Variants in BICDL1 observed in about 807,000 individuals in gnomAD.
The protein encoded by BICDL1 is BICD family-like cargo adapter 1.
BICDL1 carries 20 observed loss-of-function variants against 76.8 expected under a neutral mutation model. The observed-to-expected ratio is 0.26, with a 90% CI of 0.18 to 0.38. The LOEUF (loss-of-function observed/expected upper bound fraction) is 0.38. Ranked by LOEUF, BICDL1 falls within the 10% of genes least tolerant of loss-of-function variation. The pLI is 1.00. For synonymous variants in BICDL1, 383 were observed against 337.1 expected (o/e 1.14, Z -1.49); for missense variants, 700 against 798.6 (o/e 0.88, Z 1.49).
At position 120,079,234 on chromosome 12, in the gene BICDL1, G is replaced by A. The variant is rs1566264991; in HGVS notation, c.1453-1653G>A. Among the ~76,000 whole-genome samples the A allele has an allele frequency of 6.6e-6, 1 of 152,206 alleles. No homozygotes were observed. Among genetic ancestry groups the A allele is most frequent in the African/African-American group, 2.4e-5 (1 of 41,446 alleles). ...GATTGTCCTTCTGTCCCTCTTCACT[G>A]TTGGGTGTCCTCTGAATTCCTCCAG... On this transcript the variant is annotated intron_variant, in intron 7 of 9. Transcript: ENST00000548673. The surrounding 1 kb of genome is among the most constrained non-coding windows in gnomAD (Gnocchi z 4.3).
Position 120,089,998 on chromosome 12 carries a change from T to C in BICDL1, c.1631T>C (p.Met544Thr), listed in dbSNP as rs749722048. Residue 544 changes from methionine to threonine, a missense_variant, in exon 9 of 10, where the codon ATG (methionine) becomes ACG (threonine). By Grantham distance (81) the Met-to-Thr change is moderately conservative. Transcript: ENST00000548673. Reference sequence around the variant, plus strand: ...CTTGCCAAGTGCAGGATGGATATGATGTCTCTGAACAGCCAGTTGCTGGAT... The same window carrying C: ...CTTGCCAAGTGCAGGATGGATATGACGTCTCTGAACAGCCAGTTGCTGGAT... The part of the protein sequence containing the change: ...LELAKCRMDM[M>T]SLNSQLLDAI... 1.4e-5 allele frequency: 23 copies of C among 1,614,102 alleles called. No homozygotes were observed. In the South Asian group the frequency reaches 2.5e-4, roughly 18 times the overall value.
rs1875183955 is a variant in BICDL1 at position 120,093,731 on chromosome 12, G to GCAGGGTCTAAGAGC, written c.*572_*585dup. 1 of 170,390 alleles carries GCAGGGTCTAAGAGC rather than the reference G, an allele frequency of 5.9e-6. No homozygotes were observed. The highest frequency in any genetic ancestry group is 1.3e-4 in the South Asian group (1 of 7,798). 10.6% of individuals were successfully genotyped at this position (170,390 alleles called of 1,614,324 possible). On this transcript the variant is annotated 3_prime_UTR_variant, in exon 10 of 10. Coordinates refer to ENST00000548673, the MANE Select transcript of BICDL1 (RefSeq NM_001367886.1). ...CTGGCAGGAGGCCAAGCCTCTGGCCGCAGGGTCTAAGAGCCGGGGCTTACC... is the reference window on the plus strand; with the variant it reads ...CTGGCAGGAGGCCAAGCCTCTGGCCGCAGGGTCTAAGAGCCAGGGTCTAAGAGCCGGGGCTTACC...
At chr12:120,006,647 A>G (rs1951856008) in intron 2 of BICDL1, among the ~76,000 whole-genome samples, 1 of 152,192 alleles carries the variant, frequency 6.6e-6, no homozygotes, top group South Asian at 2.1e-4. Flanking sequence ...AAGGAGCAAA[A>G]GAGTATTCCT....
intron 1 of BICDL1, among the ~76,000 whole-genome samples, chr12:119,996,278 C>G (rs1594089394): frequency 1.3e-5 from 2 of 152,272 alleles, no homozygotes; most frequent in South Asian, 2.1e-4. Context: ...TTGGCACATT[C>G]TTTTGACTGC....
chr12:120,006,188 G>T (rs911726119), intron 2 of BICDL1, among the ~76,000 whole-genome samples: 1 of 152,180 alleles, frequency 6.6e-6, no homozygotes, highest in Non-Finnish European at 1.5e-5. Context: ...ATGGAATGGT[G>T]CCTGGAGAGG....
chr12:120,090,531 G>C (rs1874864217), intron 9 of BICDL1, among the ~76,000 whole-genome samples: 1 of 152,232 alleles, frequency 6.6e-6, no homozygotes, highest in African/African-American at 2.4e-5. Flanking sequence ...AGGCCCTGGG[G>C]AAGAGGAGTC....
At chr12:120,069,136 T>C (rs1439589757) in intron 4 of BICDL1, among the ~76,000 whole-genome samples, 1 of 152,122 alleles carries the variant, frequency 6.6e-6, no homozygotes, top group Non-Finnish European at 1.5e-5. Flanking sequence ...CTGAGATCAT[T>C]TAAAAATCAA....
At chr12:120,018,480 T>G (rs1952110881) in intron 2 of BICDL1, among the ~76,000 whole-genome samples, 1 of 152,166 alleles carries the variant, frequency 6.6e-6, no homozygotes, top group Non-Finnish European at 1.5e-5. Context: ...AGAAAGATTG[T>G]GTGGAATGAA....
At chr12:120,028,996 C>G (rs1324189224) in intron 2 of BICDL1, among the ~76,000 whole-genome samples, 1 of 152,186 alleles carries the variant, frequency 6.6e-6, no homozygotes, top group East Asian at 1.9e-4. Flanking sequence ...TGGAGGGCAA[C>G]TAACTTAGGA....
Position 119,990,231 on chromosome 12 carries a change from C to G in BICDL1, c.363C>G (p.Leu121=), listed in dbSNP as rs867210299. 3 of 1,575,636 alleles carry G rather than the reference C, an allele frequency of 1.9e-6. No homozygotes were observed. Among genetic ancestry groups the G allele is most frequent in the African/African-American group, 1.3e-5 (1 of 74,132 alleles). Residue 121 remains leucine (L), a synonymous_variant, in exon 1 of 10, where the codon CTC becomes CTG. Coordinates refer to ENST00000548673, the MANE Select transcript of BICDL1 (RefSeq NM_001367886.1). ...VLAARLGKAL[L]ERNQDMSRQY... ...CGGCCCGGCTGGGTAAGGCGCTGCT[C>G]GAGAGGAACCAGGACATGAGCCGGC...
At position 120,002,255 on chromosome 12, in the gene BICDL1, CTG is replaced by C. The variant is rs201377186; in HGVS notation, c.645+3521_645+3522del. ...TAATTTGATTACCTATGTAAAGACC[CTG>C]TCTCTAAATAAGGTCACATTCTGAG... On this transcript the variant is annotated intron_variant, in intron 2 of 9. Coordinates refer to ENST00000548673, the MANE Select transcript of BICDL1 (RefSeq NM_001367886.1). 3.7e-3 allele frequency among the ~76,000 whole-genome samples: 565 copies of C among 152,320 alleles called. 11 individuals carry two copies. In the South Asian group the frequency reaches 0.055, roughly 15 times the overall value.
chr12:120,021,556 CA>C (rs1952179937), intron 2 of BICDL1, among the ~76,000 whole-genome samples: 1 of 138,988 alleles, frequency 7.2e-6, no homozygotes, highest in Non-Finnish European at 1.5e-5. Context: ...CACTGCACTC[CA>C]CCCTGGGTGA....
intron 2 of BICDL1, among the ~76,000 whole-genome samples, chr12:120,053,652 C>T (rs1256383902): frequency 6.6e-6 from 1 of 152,162 alleles, no homozygotes; most frequent in Non-Finnish European, 1.5e-5. Context: ...ATATTCCAGG[C>T]TCATCCTGTA....
intron 2 of BICDL1, among the ~76,000 whole-genome samples, chr12:120,003,141 G>C (rs990921486): frequency 2.8e-5 from 4 of 140,608 alleles, no homozygotes; most frequent in African/African-American, 5.3e-5. Flanking sequence ...CTGGGCAACA[G>C]AGCAAGACCC....
chr12:120,031,522 T>G (rs909712381), intron 2 of BICDL1, among the ~76,000 whole-genome samples: 1 of 152,194 alleles, frequency 6.6e-6, no homozygotes, highest in South Asian at 2.1e-4. Context: ...TCCATCTGTA[T>G]TCATCAATCA....
At chr12:120,073,931 T>TC (rs1873313692) in intron 6 of BICDL1, among the ~76,000 whole-genome samples, 2 of 152,168 alleles carry the variant, frequency 1.3e-5, no homozygotes, top group South Asian at 4.1e-4. Flanking sequence ...TTGTTTTTTG[T>TC]TTTTTTGAGA....
intron 1 of BICDL1, among the ~76,000 whole-genome samples, chr12:119,994,679 G>A (rs1304672731): frequency 6.6e-6 from 1 of 151,990 alleles, no homozygotes; most frequent in African/African-American, 2.4e-5. Context: ...TAGTAGAGAC[G>A]GGGTTTCACC....
rs1951460485 is a variant in BICDL1, at chr12:119,989,254, T to C, written c.-615T>C. On this transcript the variant is annotated 5_prime_UTR_variant, in exon 1 of 10. Coordinates refer to ENST00000548673, the MANE Select transcript of BICDL1 (RefSeq NM_001367886.1). ...GGAAGGCAGGAAGGAGCTCGCCGGGTTGCGCGGCGCGCGATGTGGAGCCGC... is the reference window on the plus strand; with the variant it reads ...GGAAGGCAGGAAGGAGCTCGCCGGGCTGCGCGGCGCGCGATGTGGAGCCGC... Among the ~76,000 whole-genome samples, 1 of 149,462 alleles carries C rather than the reference T, an allele frequency of 6.7e-6. No individual in the cohort carries two copies. The highest frequency in any genetic ancestry group is 1.5e-5 in the Non-Finnish European group (1 of 67,026).
Position 120,094,303 on chromosome 12 carries a change from G to C in BICDL1, c.*1142G>C, listed in dbSNP as rs745710556. ...CGTGGGGAAAGCACAGCAGGGATGCGCGGCAAGAATGTACCTGTAGATGTG... is the reference window on the plus strand; with the variant it reads ...CGTGGGGAAAGCACAGCAGGGATGCCCGGCAAGAATGTACCTGTAGATGTG... On this transcript the variant is annotated 3_prime_UTR_variant, in exon 10 of 10. Transcript: ENST00000548673. 2 of 456,774 alleles carry C rather than the reference G, an allele frequency of 4.4e-6. No individual in the cohort carries two copies. The highest frequency in any genetic ancestry group is 1.4e-4 in the East Asian group (2 of 14,400). 28.3% of individuals were successfully genotyped at this position (456,774 alleles called of 1,614,324 possible). A position where few individuals can be genotyped will look rare whatever the true frequency, so the allele number is the denominator to read the frequency against.
Sources: allele counts gnomAD v4.1 joint callset (sites outside exome capture counted in the v4.1 genomes callset), GRCh38; gene constraint gnomAD v4.1.1; non-coding constraint Gnocchi (gnomAD v3.1); transcripts MANE v1.5; gene names NCBI Gene and HGNC (gene_info 2026-07-23, HGNC 2026-07-21).